The following TLL1 variants were observed in gnomAD, a reference collection of about 807,000 sequenced individuals.
TLL1 encodes tolloid like 1.
TLL1 carries 49 observed loss-of-function variants against 128.2 expected under a neutral mutation model. The ratio of observed to expected loss-of-function variants is 0.38; its 90% CI spans 0.30 to 0.48. The LOEUF (loss-of-function observed/expected upper bound fraction) is 0.48. TLL1 is among the 20% of genes least tolerant of loss of function. The pLI is 0.96. For missense variants in TLL1, 1,123 were observed against 1,242.0 expected (o/e 0.90, Z 1.44); for synonymous variants, 454 against 418.8 (o/e 1.08, Z -1.03).
At chr4:166,079,522 TAA>T (rs1357327846) in intron 18 of TLL1, among the ~76,000 whole-genome samples, 1 of 152,086 alleles carries the variant, frequency 6.6e-6, no homozygotes, top group East Asian at 1.9e-4. Context: ...ATTTCTGTGT[TAA>T]GTCGTAATTC....
intron 1 of TLL1, among the ~76,000 whole-genome samples, chr4:165,895,271 C>A (rs928715521): frequency 2.0e-5 from 3 of 152,042 alleles, no homozygotes; most frequent in Admixed American, 2.0e-4. Flanking sequence ...CCTAATAGAG[C>A]AGTTCTTATA....
rs140447889 is a variant in TLL1 at position 165,878,920 on chromosome 4, C to CTTTTTT, written c.169+4871_169+4876dup. Among the ~76,000 whole-genome samples, 10 of 60,460 alleles carry CTTTTTT rather than the reference C, an allele frequency of 1.7e-4. 2 individuals are homozygous for CTTTTTT. The highest frequency in any genetic ancestry group is 2.8e-4 in the Non-Finnish European group (10 of 35,588). 39.7% of individuals were successfully genotyped at this position (60,460 alleles called of 152,430 possible). A position where few individuals can be genotyped will look rare whatever the true frequency, so the allele number is the denominator to read the frequency against. ...TCCCTCTTACCCTGATGATGGCTTCCTTTTTTTTTTTTTTTTTTTTTTTTT... is the reference window on the plus strand; with the variant it reads ...TCCCTCTTACCCTGATGATGGCTTCCTTTTTTTTTTTTTTTTTTTTTTTTTTTTTTT... On this transcript the variant is annotated intron_variant, in intron 1 of 20. Coordinates refer to ENST00000061240, the MANE Select transcript of TLL1 (RefSeq NM_012464.5).
chr4:166,036,175 A>G (rs999934459), intron 9 of TLL1, among the ~76,000 whole-genome samples: 1 of 152,110 alleles, frequency 6.6e-6, no homozygotes, highest in African/African-American at 2.4e-5. Flanking sequence ...AAGTTCATTG[A>G]TTATATCTTT....
At chr4:165,924,576 A>G (rs1733185297) in intron 1 of TLL1, among the ~76,000 whole-genome samples, 1 of 152,218 alleles carries the variant, frequency 6.6e-6, no homozygotes, top group Non-Finnish European at 1.5e-5. Context: ...AGCCTTCTCC[A>G]TAACCTAAAA....
intron 19 of TLL1, among the ~76,000 whole-genome samples, chr4:166,092,317 G>A (rs1741812526): frequency 6.6e-6 from 1 of 151,860 alleles, no homozygotes; most frequent in Non-Finnish European, 1.5e-5. Flanking sequence ...ATTTTATTAT[G>A]AGCATTAGAT....
chr4:166,067,288 T>G (rs1306857693), intron 16 of TLL1, among the ~76,000 whole-genome samples: 1 of 151,896 alleles, frequency 6.6e-6, no homozygotes, highest in South Asian at 2.1e-4. Flanking sequence ...AAATACTGAC[T>G]ACAAAGTATG....
rs978903216 is a variant in TLL1 at position 166,103,005 on chromosome 4, C to G, written c.*2129C>G. Reference sequence around the variant, plus strand: ...CTCCTACCCGTGTGCTAGGAATGTGCACTAGCTCTTTTTAAATTCCATGCT... The same window carrying G: ...CTCCTACCCGTGTGCTAGGAATGTGGACTAGCTCTTTTTAAATTCCATGCT... On this transcript the variant is annotated 3_prime_UTR_variant, in exon 21 of 21. Coordinates refer to ENST00000061240, the MANE Select transcript of TLL1 (RefSeq NM_012464.5). 6.6e-6 allele frequency: 1 copy of G among 151,922 alleles called. No homozygotes were observed. Among genetic ancestry groups the G allele is most frequent in the Non-Finnish European group, 1.5e-5 (1 of 67,898 alleles). 9.4% of individuals were successfully genotyped at this position (151,922 alleles called of 1,614,324 possible).
Position 165,873,913 on chromosome 4 carries a change from G to A in TLL1, c.9G>A (p.Leu3=), listed in dbSNP as rs1415619288. 2 of 1,613,986 alleles carry A rather than the reference G, an allele frequency of 1.2e-6. No individual in the cohort carries two copies. Among genetic ancestry groups the A allele is most frequent in the African/African-American group, 1.3e-5 (1 of 75,048 alleles). ...TCCTCCGGGGGAGGAGGATGGGGTT[G>A]GGAACGCTTTCCCCGAGGATGCTCG... MG[L]GTLSPRMLVW... The change falls in exon 1 of 21, where the codon TTG becomes TTA. Residue 3 remains leucine (L), a synonymous_variant. Transcript: ENST00000061240.
At chr4:166,082,897 G>A (rs972458665) in intron 18 of TLL1, among the ~76,000 whole-genome samples, 5 of 151,900 alleles carry the variant, frequency 3.3e-5, no homozygotes, top group South Asian at 2.1e-4. Context: ...GGCTGGTCTC[G>A]AACTCCTGAC....
Position 166,003,442 on chromosome 4 carries a change from C to T in TLL1, c.684C>T (p.Ile228=), listed in dbSNP as rs748336535. The T allele has an allele frequency of 3.0e-5, 48 of 1,613,990 alleles. No individual in the cohort carries two copies. The highest frequency in any genetic ancestry group is 1.1e-4 in the East Asian group (5 of 44,860). ...GAAATGGACCTCAGGCAATCTCTAT[C>T]GGCAAGAACTGTGATAAATTTGGGA... ...RRGNGPQAIS[I]GKNCDKFGIV... is the part of the protein sequence containing the mutation. Residue 228 remains isoleucine, a synonymous_variant, in exon 6 of 21, where the codon ATC becomes ATT. Transcript: ENST00000061240.
At chr4:166,064,822 A>G (rs1454271993) in intron 15 of TLL1, among the ~76,000 whole-genome samples, 1 of 152,132 alleles carries the variant, frequency 6.6e-6, no homozygotes, top group African/African-American at 2.4e-5. Context: ...TTGCTTATTC[A>G]TCACCTATTT....
chr4:166,097,991 G>T (rs529716468), intron 19 of TLL1, among the ~76,000 whole-genome samples: 1 of 152,006 alleles, frequency 6.6e-6, no homozygotes, highest in African/African-American at 2.4e-5. Context: ...ATAGGTTGGT[G>T]GGGCATTGTA....
At position 165,919,986 on chromosome 4, in the gene TLL1, G is replaced by A. The variant is rs142790286; in HGVS notation, c.169+45913G>A. 3.0e-5 allele frequency: 10 copies of A among 335,330 alleles called. No homozygotes were observed. In the East Asian group the frequency reaches 7.2e-4, roughly 24 times the overall value. 20.8% of individuals were successfully genotyped at this position (335,330 alleles called of 1,614,324 possible). A position where few individuals can be genotyped will look rare whatever the true frequency, so the allele number is the denominator to read the frequency against. On this transcript the variant is annotated intron_variant, in intron 1 of 20. Transcript: ENST00000061240. ...GGGGCTAAATCCCTTCAGTGATTGA[G>A]GTCTGTATGAAGTCAGCCATATAAA...
intron 9 of TLL1, among the ~76,000 whole-genome samples, chr4:166,036,675 CTG>C (rs911644272): frequency 6.6e-6 from 1 of 151,904 alleles, no homozygotes; most frequent in Non-Finnish European, 1.5e-5. Flanking sequence ...TTAAAGGACT[CTG>C]TGTTTTATGT....
chr4:166,087,406 G>A (rs999300639), intron 18 of TLL1, among the ~76,000 whole-genome samples: 6 of 152,214 alleles, frequency 3.9e-5, no homozygotes, highest in Middle Eastern at 6.8e-3. Context: ...TGAATCAGGA[G>A]ACTGAGGTTT....
chr4:165,934,351 A>G (rs898413332), intron 1 of TLL1, among the ~76,000 whole-genome samples: 1 of 152,008 alleles, frequency 6.6e-6, no homozygotes, highest in South Asian at 2.1e-4. Flanking sequence ...GCCTGCTGGG[A>G]AACACTTTTT....
chr4:165,942,868 G>A (rs1325837408), intron 1 of TLL1, among the ~76,000 whole-genome samples: 3 of 151,874 alleles, frequency 2.0e-5, no homozygotes, highest in Non-Finnish European at 4.4e-5. Flanking sequence ...AATCACATAT[G>A]GACATTTTCT....
At position 165,873,991 on chromosome 4, in the gene TLL1, T is replaced by C. The variant is rs765073138; in HGVS notation, c.87T>C (p.Ala29=). The C allele has an allele frequency of 6.2e-7, 1 of 1,614,162 alleles. No individual in the cohort carries two copies. The highest frequency in any genetic ancestry group is 8.5e-7 in the Non-Finnish European group (1 of 1,180,028). The part of the protein sequence containing the change: ...IVFYGELWVC[A]GLDYDYTFDG... ...TCTACGGGGAGCTATGGGTCTGCGC[T>C]GGCCTCGATTATGATTACACTTTTG... The change falls in exon 1 of 21, where the codon GCT becomes GCC. Residue 29 remains alanine, a synonymous_variant. Coordinates refer to ENST00000061240, the MANE Select transcript of TLL1 (RefSeq NM_012464.5).
intron 8 of TLL1, 28 bp downstream of exon 8, chr4:166,014,588 T>A (rs1371674770): frequency 6.2e-7 from 1 of 1,609,632 alleles, no homozygotes; most frequent in Non-Finnish European, 8.5e-7. Context: ...CACAAGAGCA[T>A]GACTGTACTT....
Sources: gnomAD v4.1 joint callset for allele counts (sites outside exome capture counted in the v4.1 genomes callset) on GRCh38, gnomAD v4.1.1 for gene constraint, MANE v1.5 for transcripts, NCBI Gene and HGNC (gene_info 2026-07-23, HGNC 2026-07-21) for gene names.